Variants in GRM6 observed in about 807,000 individuals in gnomAD.
GRM6 encodes the protein glutamate metabotropic receptor 6.
Under a neutral mutation model 78.4 loss-of-function variants are expected in GRM6, and 73 were observed. The observed-to-expected ratio is 0.93, with a 90% CI of 0.77 to 1.13. The LOEUF is 1.13. Among genes scored for constraint, GRM6 ranks in the 50% most tolerant of loss-of-function variants. The pLI is 0.00. For missense variants in GRM6, 1,251 were observed against 1,256.4 expected, an observed-to-expected ratio of 1.00 and a Z score of 0.07; for synonymous variants, 580 against 555.0, an observed-to-expected ratio of 1.05 and a Z score of -0.63.
intron 2 of GRM6, among the ~76,000 whole-genome samples, chr5:178,993,171 T>C (rs541289447): frequency 6.6e-6 from 1 of 152,202 alleles, no homozygotes; most frequent in East Asian, 1.9e-4. Flanking sequence ...TTTGCACAGT[T>C]TTTATTAATG....
Position 178,991,619 on chromosome 5 carries a change from C to A in GRM6, c.722-60G>T. On this transcript the variant is annotated intron_variant, in intron 3 of 10. Transcript: ENST00000517717. This position sits in a 1 kb window ranked among gnomAD's most constrained non-coding sequence, Gnocchi z 5.0. ...CCACCCACCCACACACCCACCTGGC[C>A]ACCGCTGCAGAGGACTGTGTAGGCT... is the stretch of plus-strand genomic sequence containing the variant. 1 of 1,588,778 alleles carries A rather than the reference C, an allele frequency of 6.3e-7. No homozygotes were observed. The highest frequency in any genetic ancestry group is 1.1e-5 in the South Asian group (1 of 90,554).
Position 178,994,667 on chromosome 5 carries a change from G to A in GRM6, c.278C>T (p.Ala93Val). Reference protein sequence around the residue: ...PELLPGVRLGARLLDTCSRDT... With the variant: ...PELLPGVRLGVRLLDTCSRDT... ...CCGCGAGCAGGTGTCCAGCAGCCGC[G>A]CGCCCAGGCGCACGCCGGGCAGCAG... Residue 93 changes from alanine (A) to valine (V), a missense_variant, in exon 2 of 11, where the codon GCG (alanine) becomes GTG (valine). Transcript: ENST00000517717. 6.8e-7 allele frequency: 1 copy of A among 1,467,640 alleles called. No individual in the cohort carries two copies. The highest frequency in any genetic ancestry group is 9.0e-7 in the Non-Finnish European group (1 of 1,112,690). The allele number at this position is 1,467,640 out of a possible 1,614,324, so 90.9% of individuals were successfully genotyped here.
intron 10 of GRM6, 49 bp downstream of exon 10, chr5:178,982,861 G>C: frequency 7.4e-7 from 1 of 1,344,794 alleles, no homozygotes; most frequent in Non-Finnish European, 1.1e-6. Context: ...GAATCGACCA[G>C]CCTGACAGGC....
In GRM6 at chr5:178,990,566, G is replaced by C. The variant is rs1760651134; in HGVS notation, c.1012+26C>G. 4.4e-6 allele frequency: 7 copies of C among 1,594,136 alleles called. No individual in the cohort carries two copies. The Admixed American group carries it at 5.0e-5, about 11-fold the overall frequency. Reference sequence around the variant, plus strand: ...GGGGTGCTGGGGAGACGTGTGGGGTGGGGGATGGAGTGCCCCTGGACTCAC... The same window carrying C: ...GGGGTGCTGGGGAGACGTGTGGGGTCGGGGATGGAGTGCCCCTGGACTCAC... On this transcript the variant is annotated intron_variant, in intron 5 of 10. Coordinates refer to ENST00000517717, the MANE Select transcript of GRM6 (RefSeq NM_000843.4).
rs142488239 is a variant in GRM6 at position 178,986,024 on chromosome 5, G to T, written c.2124+106C>A. 1.5e-3 allele frequency: 1,629 copies of T among 1,054,458 alleles called. 4 individuals are homozygous for T. The highest frequency in any genetic ancestry group is 2.0e-3 in the Non-Finnish European group (1,467 of 727,006). The allele number at this position is 1,054,458 out of a possible 1,614,324, so 65.3% of individuals were successfully genotyped here. On this transcript the variant is annotated intron_variant, in intron 9 of 10. Coordinates refer to ENST00000517717, the MANE Select transcript of GRM6 (RefSeq NM_000843.4). ...TGATCCACCCACCTCAGCCTCCAAA[G>T]GTGCTGGGACTACAGGCGTGTGCCA...
rs953671176 is a variant in GRM6 at position 178,978,613 on chromosome 5, T to C, written c.*3044A>G. ...TTAAAGCTTACATCAGAACGTAATC[T>C]TACTCTGCTTTAGAGCTCTCATCCC... On this transcript the variant is annotated 3_prime_UTR_variant, in exon 11 of 11. Coordinates refer to ENST00000517717, the MANE Select transcript of GRM6 (RefSeq NM_000843.4). 6.6e-6 allele frequency: 1 copy of C among 152,202 alleles called. No individual in the cohort carries two copies. The highest frequency in any genetic ancestry group is 2.4e-5 in the African/African-American group (1 of 41,446). The allele number at this position is 152,202 out of a possible 1,614,324, so 9.4% of individuals were successfully genotyped here. A position where few individuals can be genotyped will look rare whatever the true frequency, so the allele number is the denominator to read the frequency against.
rs369887161 is a variant in GRM6, at chr5:178,986,521, C to T, written c.1733G>A (p.Arg578His). Residue 578 changes from arginine to histidine, a missense_variant, in exon 9 of 11, where the codon CGC becomes CAC. By Grantham distance (29) the Arg-to-His change is conservative (BLOSUM62 0). Coordinates refer to ENST00000517717, the MANE Select transcript of GRM6 (RefSeq NM_000843.4). Reference protein sequence around the residue: ...HTGCRPTPVVRLSWSSPWAAP... With the variant: ...HTGCRPTPVVHLSWSSPWAAP... ...TGCCCAGGGGGAGGACCAGCTCAGG[C>T]GCACCACAGGTGTGGGGCGGCAGCC... 4.0e-5 allele frequency: 65 copies of T among 1,608,548 alleles called. No individual in the cohort carries two copies. Among genetic ancestry groups the T allele is most frequent in the Admixed American group, 1.7e-4 (10 of 59,918 alleles).
chr5:178,986,079 T>C, intron 9 of GRM6, 51 bp downstream of exon 9: 1 of 1,557,184 alleles, frequency 6.4e-7, no homozygotes, highest in Non-Finnish European at 8.7e-7. Context: ...CTTTGTAACG[T>C]TGCGGACAGT....
rs937520900 is a variant in GRM6, at chr5:178,988,774, AC to A, written c.1354+160del. Among the ~76,000 whole-genome samples the A allele has an allele frequency of 2.6e-5, 4 of 151,962 alleles. No homozygotes were observed. Among genetic ancestry groups the A allele is most frequent in the African/African-American group, 9.7e-5 (4 of 41,346 alleles). On this transcript the variant is annotated intron_variant, in intron 7 of 10. Coordinates refer to ENST00000517717, the MANE Select transcript of GRM6 (RefSeq NM_000843.4). This position sits in a 1 kb window ranked among gnomAD's most constrained non-coding sequence, Gnocchi z 6.0. ...GAGGGAGCAGTGTTAAAAATTGGGGACCGGAACTTGTCTCATGTCTTTGGCA... is the reference window on the plus strand; with the variant it reads ...GAGGGAGCAGTGTTAAAAATTGGGGACGGAACTTGTCTCATGTCTTTGGCA...
In GRM6 at chr5:178,980,025, A is replaced by G. The variant is rs76846625; in HGVS notation, c.*1632T>C. On this transcript the variant is annotated 3_prime_UTR_variant, in exon 11 of 11. Coordinates refer to ENST00000517717, the MANE Select transcript of GRM6 (RefSeq NM_000843.4). The surrounding 1 kb of genome is among the most constrained non-coding windows in gnomAD (Gnocchi z 4.3). ...TAGAGAAGCCCTAGGAACACAACAA[A>G]TGTGGAGAAGGAGAGTCAGTAGCGC... is the stretch of plus-strand genomic sequence containing the variant. 3,990 of 154,332 alleles carry G rather than the reference A, an allele frequency of 0.026. 87 individuals carry two copies. The highest frequency in any genetic ancestry group is 0.074 in the South Asian group (365 of 4,914). 9.6% of individuals were successfully genotyped at this position (154,332 alleles called of 1,614,324 possible). A position where few individuals can be genotyped will look rare whatever the true frequency, so the allele number is the denominator to read the frequency against.
Position 178,991,830 on chromosome 5 carries a change from A to G in GRM6, c.721+37T>C, listed in dbSNP as rs201257756. ...CAACTGAGGGCCCCGGGCCCACACT[A>G]TGTAGACTCCTTGGTGCCTCGGAGC... is the stretch of plus-strand genomic sequence containing the variant. On this transcript the variant is annotated intron_variant, in intron 3 of 10. Transcript: ENST00000517717. This position sits in a 1 kb window ranked among gnomAD's most constrained non-coding sequence, Gnocchi z 5.0. 240 of 1,555,032 alleles carry G rather than the reference A, an allele frequency of 1.5e-4. 1 individual carries two copies. In the Middle Eastern group the frequency reaches 1.8e-3, roughly 12 times the overall value.
rs1760349499 is a variant in GRM6 at position 178,979,667 on chromosome 5, A to C, written c.*1990T>G. Reference sequence around the variant, plus strand: ...CTACTAAGAACTGCTTCTGATTCTGAATCACAGAGTTCACAGTGGAGAAAA... The same window carrying C: ...CTACTAAGAACTGCTTCTGATTCTGCATCACAGAGTTCACAGTGGAGAAAA... On this transcript the variant is annotated 3_prime_UTR_variant, in exon 11 of 11. Coordinates refer to ENST00000517717, the MANE Select transcript of GRM6 (RefSeq NM_000843.4). 6.6e-6 allele frequency: 1 copy of C among 152,250 alleles called. No individual in the cohort carries two copies. The allele number at this position is 152,250 out of a possible 1,614,324, so 9.4% of individuals were successfully genotyped here.
Position 178,989,356 on chromosome 5 carries a change from G to C in GRM6, c.1062C>G (p.Asn354Lys). Residue 354 changes from asparagine to lysine, a missense_variant, in exon 6 of 11, where the codon AAC (asparagine) becomes AAG (lysine). Physicochemically the swap from Asn to Lys is moderately conservative, Grantham distance 94. Coordinates refer to ENST00000517717, the MANE Select transcript of GRM6 (RefSeq NM_000843.4). ...CTTCCCAGAACTCGGCGAACCAGAT[G>C]TTCCTGCGGTTGTTCTCCAGGGATC... ...MTRSLENNRR[N>K]IWFAEFWEEN... 1 of 1,613,948 alleles carries C rather than the reference G, an allele frequency of 6.2e-7. No homozygotes were observed. The highest frequency in any genetic ancestry group is 8.5e-7 in the Non-Finnish European group (1 of 1,179,822).
intron 2 of GRM6, among the ~76,000 whole-genome samples, chr5:178,993,125 A>G (rs1760710949): frequency 6.6e-6 from 1 of 152,228 alleles, no homozygotes; most frequent in African/African-American, 2.4e-5. Context: ...TAGTTCTTTT[A>G]GACCAGGAAT....
chr5:178,987,653 G>C (rs980251041), intron 7 of GRM6, among the ~76,000 whole-genome samples: 1 of 152,182 alleles, frequency 6.6e-6, no homozygotes, highest in Non-Finnish European at 1.5e-5. Flanking sequence ...AGGTGCTGGC[G>C]GGAGGAGGGG....
chr5:178,985,516 A>G (rs149087671), intron 9 of GRM6: 1 of 340,006 alleles, frequency 2.9e-6, no homozygotes, highest in Non-Finnish European at 5.8e-6. Flanking sequence ...ATCCTGGCTA[A>G]CACGGTGAAG....
Position 178,990,724 on chromosome 5 carries a change from G to T in GRM6, c.880C>A (p.Gln294Lys), listed in dbSNP as rs149573697. The T allele has an allele frequency of 4.2e-5, 67 of 1,577,148 alleles. No individual in the cohort carries two copies. The highest frequency in any genetic ancestry group is 5.8e-5 in the Non-Finnish European group (67 of 1,162,556). ...DIRRVLEAARQANLTGHFLWV... is the reference protein window; with the variant it reads ...DIRRVLEAARKANLTGHFLWV... The stretch of plus-strand genomic sequence containing the variant: ...AGGAAGTGGCCGGTCAGGTTGGCCT[G>T]GCGAGCTGCCTCCAGGACCCGCCTG... The change falls in exon 5 of 11, where the codon CAG becomes AAG. Residue 294 changes from glutamine (Q) to lysine (K), a missense_variant. Coordinates refer to ENST00000517717, the MANE Select transcript of GRM6 (RefSeq NM_000843.4).
rs775064996 is a variant in GRM6, at chr5:178,983,018, G to C, written c.2328C>G (p.Pro776=). 1 of 1,613,998 alleles carries C rather than the reference G, an allele frequency of 6.2e-7. No homozygotes were observed. The highest frequency in any genetic ancestry group is 8.5e-7 in the Non-Finnish European group (1 of 1,179,966). The change falls in exon 10 of 11, where the codon CCC becomes CCG. Residue 776 remains proline (P), a synonymous_variant. Transcript: ENST00000517717. ...TVYAIKARGV[P]ETFNEAKPIG... ...TGGGCTTGGCCTCGTTGAAGGTCTC[G>C]GGCACGCCACGGGCCTTGATGGCGT...
In GRM6 at chr5:178,989,007, C is replaced by T. The variant is rs1289695834; in HGVS notation, c.1282G>A (p.Gly428Ser). The T allele has an allele frequency of 6.2e-7, 1 of 1,613,932 alleles. No individual in the cohort carries two copies. Among genetic ancestry groups the T allele is most frequent in the Admixed American group, 1.7e-5 (1 of 60,006 alleles). Residue 428 changes from glycine to serine, a missense_variant, in exon 7 of 11, where the codon GGC becomes AGC. Transcript: ENST00000517717. ...MHQALCPGHT[G>S]LCPAMEPTDG... is the part of the protein sequence containing the mutation. ...GTGGGTTCCATCGCCGGGCACAGGCCTGTGTGCCCAGGGCAGAGCGCCTGG... is the reference window on the plus strand; with the variant it reads ...GTGGGTTCCATCGCCGGGCACAGGCTTGTGTGCCCAGGGCAGAGCGCCTGG...
Sources: allele counts gnomAD v4.1 joint callset (sites outside exome capture counted in the v4.1 genomes callset), GRCh38; gene constraint gnomAD v4.1.1; non-coding constraint Gnocchi (gnomAD v3.1); transcripts MANE v1.5; gene names NCBI Gene and HGNC (gene_info 2026-07-23, HGNC 2026-07-21).